Variants in TMTC1 observed in about 807,000 individuals in gnomAD.
TMTC1 encodes the protein protein O-mannosyl-transferase TMTC1.
Under a neutral mutation model 104.8 loss-of-function variants are expected in TMTC1, and 73 were observed. The ratio of observed to expected loss-of-function variants is 0.70; its 90% CI spans 0.58 to 0.85. The LOEUF (loss-of-function observed/expected upper bound fraction) is 0.85, where lower values mean the gene tolerates loss of function less well. Among genes scored for constraint, TMTC1 ranks in the 40% least tolerant of loss-of-function variants. TMTC1 has a pLI of 0.00. For missense variants in TMTC1, 1,035 were observed against 1,096.1 expected, an observed-to-expected ratio of 0.94 and a Z score of 0.79; for synonymous variants, 434 against 428.7, an observed-to-expected ratio of 1.01 and a Z score of -0.15.
intron 5 of TMTC1, among the ~76,000 whole-genome samples, chr12:29,707,667 C>A (rs777066153): frequency 6.6e-6 from 1 of 152,204 alleles, no homozygotes; most frequent in Non-Finnish European, 1.5e-5. Flanking sequence ...TTGGCCTCTG[C>A]ACATGTGGCC....
At chr12:29,517,129 C>A (rs1944010115) in intron 14 of TMTC1, among the ~76,000 whole-genome samples, 1 of 152,106 alleles carries the variant, frequency 6.6e-6, no homozygotes, top group Admixed American at 6.5e-5. Context: ...TATGCATACA[C>A]AATGGAGTGA....
chr12:29,735,147 T>G (rs1175980969), intron 5 of TMTC1, among the ~76,000 whole-genome samples: 1 of 152,208 alleles, frequency 6.6e-6, no homozygotes, highest in Non-Finnish European at 1.5e-5. Flanking sequence ...TAGACCTGCA[T>G]GAAGACACAG....
At chr12:29,670,283 ATTTC>A (rs1249563711) in intron 5 of TMTC1, among the ~76,000 whole-genome samples, 1 of 152,206 alleles carries the variant, frequency 6.6e-6, no homozygotes, top group Non-Finnish European at 1.5e-5. Flanking sequence ...AGTGAAATAC[ATTTC>A]CTGTTAATGA....
At chr12:29,590,768 G>A (rs571600239) in intron 7 of TMTC1, among the ~76,000 whole-genome samples, 1 of 152,280 alleles carries the variant, frequency 6.6e-6, no homozygotes, top group South Asian at 2.1e-4. Context: ...CTGGGTGACA[G>A]GGTGAAACTC....
intron 5 of TMTC1, among the ~76,000 whole-genome samples, chr12:29,700,644 A>G (rs59713519): frequency 0.14 from 20,690 of 152,160 alleles, 1,577 homozygotes; most frequent in Middle Eastern, 0.24. Flanking sequence ...AGCATGGCTT[A>G]CTAACATAGC....
At position 29,520,645 on chromosome 12, in the gene TMTC1, T is replaced by A; in HGVS notation, c.1861A>T (p.Asn621Tyr). 6.2e-7 allele frequency: 1 copy of A among 1,613,756 alleles called. No individual in the cohort carries two copies. Among genetic ancestry groups the A allele is most frequent in the African/African-American group, 1.3e-5 (1 of 75,032 alleles). Residue 621 changes from asparagine (N) to tyrosine (Y), a missense_variant, in exon 12 of 18, where the codon AAC (asparagine) becomes TAC (tyrosine). By Grantham distance (143) the Asn-to-Tyr change is moderately radical. Transcript: ENST00000539277. ...GTATCAACTAAGAAAACCCCATAGT[T>A]GTTGTGTAAATCTGAGCTGTCTGGA... ...NCPDSSDLHN[N>Y]YGVFLVDTGL...
intron 10 of TMTC1, among the ~76,000 whole-genome samples, chr12:29,545,394 T>C (rs1592208057): frequency 2.0e-5 from 3 of 152,152 alleles, no homozygotes; most frequent in Admixed American, 6.5e-5. Flanking sequence ...AATCCCAGCA[T>C]TTTGGGAGGC....
chr12:29,783,527 G>A lies in TMTC1; in HGVS notation c.225C>T (p.Thr75=). The A allele has an allele frequency of 6.9e-7, 1 of 1,458,116 alleles. No homozygotes were observed. Among genetic ancestry groups the A allele is most frequent in the Non-Finnish European group, 9.0e-7 (1 of 1,105,272 alleles). 90.3% of individuals were successfully genotyped at this position (1,458,116 alleles called of 1,614,324 possible). The change falls in exon 1 of 18, where the codon ACC becomes ACT. Residue 75 remains threonine, a synonymous_variant. Coordinates refer to ENST00000539277, the MANE Select transcript of TMTC1 (RefSeq NM_001193451.2). The surrounding 1 kb of genome is among the most constrained non-coding windows in gnomAD (Gnocchi z 4.7). ...PGAPLRWGIF[T]NDFWGKGMAE... is the part of the protein sequence containing the mutation. ...CCATGCCCTTGCCCCAGAAGTCGTT[G>A]GTGAAGATGCCCCAGCGGAGCGGGG...
chr12:29,722,199 A>G (rs991035584), intron 5 of TMTC1, among the ~76,000 whole-genome samples: 3 of 152,198 alleles, frequency 2.0e-5, no homozygotes, highest in South Asian at 4.1e-4. Context: ...TGATATATTG[A>G]CAACTGCTAG....
chr12:29,685,450 A>C (rs567124654), intron 5 of TMTC1, among the ~76,000 whole-genome samples: 1 of 152,130 alleles, frequency 6.6e-6, no homozygotes, highest in Non-Finnish European at 1.5e-5. Flanking sequence ...TGTAGTGCTT[A>C]AAAGATTGAG....
intron 6 of TMTC1, among the ~76,000 whole-genome samples, chr12:29,611,056 C>T (rs1385517810): frequency 6.6e-6 from 1 of 152,174 alleles, no homozygotes; most frequent in Non-Finnish European, 1.5e-5. Flanking sequence ...TTTTCCCATG[C>T]CAAACTTTCT....
At chr12:29,673,698 G>A (rs1171317437) in intron 5 of TMTC1, among the ~76,000 whole-genome samples, 1 of 146,022 alleles carries the variant, frequency 6.8e-6, no homozygotes, top group East Asian at 2.0e-4. Context: ...ATTTTGCTAA[G>A]TGTTCATTAT....
chr12:29,550,118 A>T (rs1396097123), intron 10 of TMTC1, among the ~76,000 whole-genome samples: 2 of 152,152 alleles, frequency 1.3e-5, no homozygotes, highest in Admixed American at 1.3e-4. Context: ...AAGAAAAAAT[A>T]TCTAAAAAAG....
intron 5 of TMTC1, among the ~76,000 whole-genome samples, chr12:29,681,720 T>C (rs1283717456): frequency 6.9e-6 from 1 of 145,516 alleles, no homozygotes; most frequent in Non-Finnish European, 1.5e-5. Context: ...AAGAGTGAGA[T>C]GGGAAGGTGG....
At chr12:29,553,787 T>G (rs1225151875) in intron 10 of TMTC1, among the ~76,000 whole-genome samples, 1 of 152,210 alleles carries the variant, frequency 6.6e-6, no homozygotes, top group Non-Finnish European at 1.5e-5. Context: ...TTTAAGATGT[T>G]AGCAGTGATA....
At chr12:29,594,721 G>C (rs905123090) in intron 7 of TMTC1, among the ~76,000 whole-genome samples, 1 of 152,106 alleles carries the variant, frequency 6.6e-6, no homozygotes, top group Non-Finnish European at 1.5e-5. Flanking sequence ...GCAAAGTTAC[G>C]GCCCACTTTG....
intron 5 of TMTC1, among the ~76,000 whole-genome samples, chr12:29,641,699 A>C (rs1040280170): frequency 6.6e-6 from 1 of 152,020 alleles, no homozygotes; most frequent in Non-Finnish European, 1.5e-5. Context: ...TACCCCCCCA[A>C]AAAAATCACA....
chr12:29,684,730 A>T (rs1335501068), intron 5 of TMTC1, among the ~76,000 whole-genome samples: 1 of 152,200 alleles, frequency 6.6e-6, no homozygotes, highest in Non-Finnish European at 1.5e-5. Flanking sequence ...AGCTGTAATG[A>T]GGATTAAATA....
intron 5 of TMTC1, among the ~76,000 whole-genome samples, chr12:29,646,045 C>T (rs1332004781): frequency 6.6e-6 from 1 of 152,146 alleles, no homozygotes; most frequent in African/African-American, 2.4e-5. Context: ...TCCAAATACA[C>T]TTGTCCATGG....
Sources: gnomAD v4.1 joint callset for allele counts (sites outside exome capture counted in the v4.1 genomes callset) on GRCh38, gnomAD v4.1.1 for gene constraint, Gnocchi (gnomAD v3.1) non-coding constraint, MANE v1.5 for transcripts, NCBI Gene and HGNC (gene_info 2026-07-23, HGNC 2026-07-21) for gene names.